ADAMTS9: variants seen among roughly 807,000 people sequenced by gnomAD.
The protein encoded by ADAMTS9 is ADAM metallopeptidase with thrombospondin type 1 motif 9.
A neutral mutation model predicts 257.1 loss-of-function variants in ADAMTS9; 107 were observed. The ratio of observed to expected loss-of-function variants is 0.42; its 90% CI spans 0.36 to 0.49. ADAMTS9 has a LOEUF of 0.49. Among genes scored for constraint, ADAMTS9 ranks in the 20% least tolerant of loss-of-function variants. The pLI is 0.03. For missense variants in ADAMTS9, 2,353 were observed against 2,469.1 expected, an observed-to-expected ratio of 0.95 and a Z score of 1.00; for synonymous variants, 982 against 880.9, an observed-to-expected ratio of 1.11 and a Z score of -2.03.
chr3:64,653,221 G>C (rs1365938422), intron 8 of ADAMTS9, among the ~76,000 whole-genome samples: 1 of 152,190 alleles, frequency 6.6e-6, no homozygotes, highest in Non-Finnish European at 1.5e-5. Flanking sequence ...AGCTGGGGAA[G>C]CTGGAATGGG....
intron 38 of ADAMTS9, among the ~76,000 whole-genome samples, chr3:64,531,977 G>C (rs1016621778): frequency 6.6e-6 from 1 of 152,154 alleles, no homozygotes; most frequent in African/African-American, 2.4e-5. Flanking sequence ...TTCTGACCTG[G>C]CTGTACATTT....
In ADAMTS9 at chr3:64,561,661, G is replaced by C. The variant is rs1370019115; in HGVS notation, c.4615C>G (p.Pro1539Ala). Reference protein sequence around the residue: ...HKIARETECNPYTRPESERDC... With the variant: ...HKIARETECNAYTRPESERDC... ...CGTTCCGACTCCGGTCTGGTGTATGGGTTGCACTCGGTCTCTCTGGCTATT... is the reference window on the plus strand; with the variant it reads ...CGTTCCGACTCCGGTCTGGTGTATGCGTTGCACTCGGTCTCTCTGGCTATT... The change falls in exon 30 of 40, where the codon CCA becomes GCA. Residue 1539 changes from proline (P) to alanine (A), a missense_variant. This residue lies in a region of ADAMTS9 where 1,402 missense variants were observed against 1,441.4 expected (regional missense o/e 0.97). Transcript: ENST00000498707. The C allele has an allele frequency of 6.2e-7, 1 of 1,613,950 alleles. No homozygotes were observed. Among genetic ancestry groups the C allele is most frequent in the Non-Finnish European group, 8.5e-7 (1 of 1,180,002 alleles).
intron 16 of ADAMTS9, among the ~76,000 whole-genome samples, chr3:64,627,512 G>A (rs1170329766): frequency 6.6e-6 from 1 of 152,120 alleles, no homozygotes; most frequent in Non-Finnish European, 1.5e-5. Flanking sequence ...TTCTTCTAAA[G>A]AGATACGAAC....
intron 16 of ADAMTS9, among the ~76,000 whole-genome samples, chr3:64,630,132 G>GTTGCTTTTCA (rs11282179): frequency 6.6e-6 from 1 of 151,762 alleles, no homozygotes; most frequent in African/African-American, 2.4e-5. Context: ...TGTAAGCCAT[G>GTTGCTTTTCA]CGGCTGGGAA....
intron 38 of ADAMTS9, among the ~76,000 whole-genome samples, chr3:64,531,244 G>T (rs74532825): frequency 6.6e-6 from 1 of 152,096 alleles, no homozygotes; most frequent in African/African-American, 2.4e-5. Context: ...CCAATTGGAC[G>T]TTTCTCCTCT....
rs774358269 is a variant in ADAMTS9, at chr3:64,594,327, G to C, written c.4287C>G (p.Pro1429=). The C allele has an allele frequency of 1.2e-6, 2 of 1,613,802 alleles. No individual in the cohort carries two copies. The highest frequency in any genetic ancestry group is 1.3e-5 in the African/African-American group (1 of 74,870). Residue 1429 remains proline, a synonymous_variant, in exon 28 of 40, where the codon CCC becomes CCG. Coordinates refer to ENST00000498707, the MANE Select transcript of ADAMTS9 (RefSeq NM_182920.2). The part of the protein sequence containing the change: ...DLSCEILDKP[P]DREQCNTHAC... ...CATGTGTGTTACACTGCTCACGATC[G>C]GGAGGTTTATCAAGAATTTCACAGC...
intron 26 of ADAMTS9, among the ~76,000 whole-genome samples, chr3:64,598,430 C>T (rs1411731842): frequency 6.6e-6 from 1 of 151,698 alleles, no homozygotes; most frequent in Non-Finnish European, 1.5e-5. Flanking sequence ...AATCTTCCCA[C>T]CTCAGTCTCC....
At chr3:64,517,416 G>GTTTTTTGTTTTTT (rs2082789402) in intron 39 of ADAMTS9, among the ~76,000 whole-genome samples, 1 of 52,638 alleles carries the variant, frequency 1.9e-5, no homozygotes, top group African/African-American at 5.3e-5. Flanking sequence ...ATTAAAAATG[G>GTTTTTTGTTTTTT]TTTTTTTTTT....
rs368698699 is a variant in ADAMTS9, at chr3:64,654,596, C to T, written c.1186G>A (p.Ala396Thr). The T allele has an allele frequency of 1.2e-6, 2 of 1,614,128 alleles. No individual in the cohort carries two copies. The highest frequency in any genetic ancestry group is 1.7e-6 in the Non-Finnish European group (2 of 1,180,028). Residue 396 changes from alanine to threonine, a missense_variant, in exon 7 of 40, where the codon GCT (alanine) becomes ACT (threonine). Physicochemically the swap from Ala to Thr is moderately conservative, Grantham distance 58. Around this residue, in one of 3 missense-constraint regions of ADAMTS9, gnomAD observed 591 missense variants for 569.6 expected, o/e 1.04. Transcript: ENST00000498707. ...VLLTRQDICR[A>T]HDKCDTLGLA... is the part of the protein sequence containing the mutation. ...CCTAAGGTATCACATTTGTCGTGAG[C>T]TCTGCAGATATCCTGTCTGAAAGCA...
intron 3 of ADAMTS9, among the ~76,000 whole-genome samples, chr3:64,667,035 A>AT (rs1481218979): frequency 2.0e-5 from 3 of 152,124 alleles, no homozygotes; most frequent in Non-Finnish European, 1.5e-5. Flanking sequence ...TTGTTTTATT[A>AT]TTATTTTTTT....
chr3:64,620,249 C>G (rs747040405), intron 19 of ADAMTS9, among the ~76,000 whole-genome samples: 1 of 152,152 alleles, frequency 6.6e-6, no homozygotes, highest in Non-Finnish European at 1.5e-5. Flanking sequence ...TTCTCAGAGC[C>G]TCAAGTAGGC....
chr3:64,517,710 C>CT (rs753458051), intron 39 of ADAMTS9, among the ~76,000 whole-genome samples: 109 of 151,786 alleles, frequency 7.2e-4, no homozygotes, highest in Admixed American at 3.4e-3. Context: ...TCCTTCTAGT[C>CT]TTTTTTCTAT....
rs1192595620 is a variant in ADAMTS9, at chr3:64,597,002, C to T, written c.4018-11G>A. On this transcript the variant is annotated splice_polypyrimidine_tract_variant and intron_variant, in intron 26 of 39. Coordinates refer to ENST00000498707, the MANE Select transcript of ADAMTS9 (RefSeq NM_182920.2). ...ACAGGTACTGGAACACTAAACACAT[C>T]AGTCGACAAGTTAATCCCCACCTCA... 1.9e-6 allele frequency: 3 copies of T among 1,613,280 alleles called. No individual in the cohort carries two copies. Among genetic ancestry groups the T allele is most frequent in the Non-Finnish European group, 2.5e-6 (3 of 1,179,644 alleles).
intron 21 of ADAMTS9, among the ~76,000 whole-genome samples, chr3:64,613,724 A>G (rs973127530): frequency 6.6e-6 from 1 of 152,182 alleles, no homozygotes. Context: ...AGTTTTGAGC[A>G]CAAAATAAAC....
chr3:64,632,287 G>GA (rs980967367), intron 14 of ADAMTS9, among the ~76,000 whole-genome samples: 24 of 149,624 alleles, frequency 1.6e-4, no homozygotes, highest in South Asian at 4.3e-4. Flanking sequence ...GCTTAGGAAT[G>GA]AAAAAAAAAG....
chr3:64,627,898 T>C (rs1416292439), intron 16 of ADAMTS9, among the ~76,000 whole-genome samples: 1 of 152,152 alleles, frequency 6.6e-6, no homozygotes, highest in Non-Finnish European at 1.5e-5. Context: ...GTGTGGGTTG[T>C]AAAACCTTCT....
At chr3:64,657,258 AT>A (rs1701099033) in intron 4 of ADAMTS9, among the ~76,000 whole-genome samples, 1 of 152,252 alleles carries the variant, frequency 6.6e-6, no homozygotes. Context: ...AGTATAAAAA[AT>A]GTGAAATATC....
chr3:64,551,205 G>T, intron 30 of ADAMTS9, 143 bp from the exon 31 acceptor site: 1 of 955,522 alleles, frequency 1.0e-6, no homozygotes, highest in Non-Finnish European at 1.5e-6. Context: ...TCGTTTTTTT[G>T]TTTTTTTGGT....
intron 32 of ADAMTS9, 75 bp downstream of exon 32, chr3:64,546,683 G>T: frequency 6.9e-7 from 1 of 1,447,584 alleles, no homozygotes; most frequent in Non-Finnish European, 9.3e-7. Flanking sequence ...AAGGAGAGCG[G>T]GTTAGGCAGG....
Sources: allele counts gnomAD v4.1 joint callset (sites outside exome capture counted in the v4.1 genomes callset), GRCh38; gene constraint gnomAD v4.1.1; regional missense constraint gnomAD v4.1.1; transcripts MANE v1.5; gene names NCBI Gene and HGNC (gene_info 2026-07-23, HGNC 2026-07-21).